FNDC3A: variants seen among roughly 807,000 people sequenced by gnomAD.
The protein encoded by FNDC3A is fibronectin type-III domain-containing protein 3A.
In FNDC3A, 32 loss-of-function variants were observed where a neutral mutation model predicts 148.9. The observed-to-expected ratio is 0.21, with a 90% confidence interval of 0.16 to 0.29. FNDC3A has a LOEUF of 0.29. FNDC3A is among the 10% of genes least tolerant of loss of function. FNDC3A has a pLI of 1.00. For synonymous variants in FNDC3A, 472 were observed against 473.6 expected, an observed-to-expected ratio of 1.00 and a Z score of 0.04; for missense variants, 1,191 against 1,452.8, an observed-to-expected ratio of 0.82 and a Z score of 2.93.
At chr13:49,028,253 A>G (rs760977786) in intron 2 of FNDC3A, among the ~76,000 whole-genome samples, 1 of 151,976 alleles carries the variant, frequency 6.6e-6, no homozygotes, top group South Asian at 2.1e-4. Flanking sequence ...TGTGCACTCT[A>G]TAAGAGACAC....
In FNDC3A at chr13:49,188,773, T is replaced by TTC. The variant is rs1036522094; in HGVS notation, c.1944+140_1944+141insTC. The TTC allele has an allele frequency of 6.1e-6, 4 of 658,922 alleles. No individual in the cohort carries two copies. The African/African-American group carries it at 7.2e-5, about 12-fold the overall frequency. The allele number at this position is 658,922 out of a possible 1,614,324, so 40.8% of individuals were successfully genotyped here. ...TCTGTAACCTGTTGGGTTAATTTGA[T>TTC]AGTGACCAAAATATTCTAATGTGGT... On this transcript the variant is annotated intron_variant, in intron 17 of 25. Coordinates refer to ENST00000492622, the MANE Select transcript of FNDC3A (RefSeq NM_001079673.2).
At chr13:48,984,753 C>T (rs987344669) in intron 1 of FNDC3A, among the ~76,000 whole-genome samples, 4 of 152,036 alleles carry the variant, frequency 2.6e-5, no homozygotes, top group South Asian at 2.1e-4. Flanking sequence ...GGCGTGATCT[C>T]GGCTCACTGC....
At chr13:49,002,009 G>A (rs952766810) in intron 1 of FNDC3A, among the ~76,000 whole-genome samples, 2 of 151,960 alleles carry the variant, frequency 1.3e-5, no homozygotes, top group African/African-American at 2.4e-5. Flanking sequence ...CAGAACCTGC[G>A]GACATGTCTC....
intron 10 of FNDC3A, among the ~76,000 whole-genome samples, chr13:49,170,026 G>A (rs1418194034): frequency 1.3e-5 from 2 of 151,948 alleles, no homozygotes; most frequent in African/African-American, 2.4e-5. Flanking sequence ...TCTTTATTTC[G>A]AAGATAATTA....
chr13:49,048,275 C>T (rs574187168), intron 2 of FNDC3A, among the ~76,000 whole-genome samples: 58 of 151,662 alleles, frequency 3.8e-4, no homozygotes, highest in African/African-American at 1.4e-3. Context: ...TGTGGGCTCT[C>T]TTTTGGTTCT....
chr13:49,050,985 A>G (rs1875799401), intron 2 of FNDC3A, among the ~76,000 whole-genome samples: 1 of 152,088 alleles, frequency 6.6e-6, no homozygotes, highest in Non-Finnish European at 1.5e-5. Flanking sequence ...CTTTTGGTGT[A>G]CATTTGCATG....
intron 4 of FNDC3A, among the ~76,000 whole-genome samples, chr13:49,122,604 G>A (rs1399492160): frequency 1.3e-5 from 2 of 152,090 alleles, no homozygotes; most frequent in African/African-American, 2.4e-5. Context: ...AAACCCCATC[G>A]TCTCAGCCCA....
intron 2 of FNDC3A, among the ~76,000 whole-genome samples, chr13:49,067,866 A>G (rs972111396): frequency 6.6e-6 from 1 of 152,168 alleles, no homozygotes; most frequent in African/African-American, 2.4e-5. Context: ...GCTGGTCTCA[A>G]GTAACATCCT....
At chr13:49,081,869 T>A (rs938370623) in intron 3 of FNDC3A, among the ~76,000 whole-genome samples, 3 of 152,204 alleles carry the variant, frequency 2.0e-5, no homozygotes, top group Non-Finnish European at 2.9e-5. Flanking sequence ...GAAATAAAAT[T>A]TGATCATCAG....
At chr13:49,164,555 G>A (rs946090693) in intron 8 of FNDC3A, among the ~76,000 whole-genome samples, 1 of 151,642 alleles carries the variant, frequency 6.6e-6, no homozygotes, top group East Asian at 1.9e-4. Flanking sequence ...ATATTTGGTT[G>A]CTTTATAGTG....
chr13:48,985,534 CACTATA>C (rs1212709345), intron 1 of FNDC3A, among the ~76,000 whole-genome samples: 2 of 152,132 alleles, frequency 1.3e-5, no homozygotes, highest in Admixed American at 1.3e-4. Flanking sequence ...TGTGCCCTTA[CACTATA>C]ATATTAGATA....
chr13:49,047,448 A>G (rs898382779), intron 2 of FNDC3A, among the ~76,000 whole-genome samples: 7 of 152,036 alleles, frequency 4.6e-5, no homozygotes, highest in Admixed American at 1.3e-4. Flanking sequence ...CCAACAGTGT[A>G]AAAGCATCTA....
intron 8 of FNDC3A, among the ~76,000 whole-genome samples, chr13:49,161,493 G>T (rs1408654374): frequency 2.6e-5 from 4 of 151,986 alleles, no homozygotes; most frequent in Non-Finnish European, 5.9e-5. Context: ...CTGTGTGTGT[G>T]TCTGCATGTA....
At chr13:49,012,360 G>A (rs1226168849) in intron 2 of FNDC3A, among the ~76,000 whole-genome samples, 10 of 151,958 alleles carry the variant, frequency 6.6e-5, no homozygotes, top group African/African-American at 2.4e-5. Flanking sequence ...TGATCTGCCC[G>A]CCTCCACCTC....
At chr13:49,178,542 G>T (rs1239217525) in intron 13 of FNDC3A, 26 bp from the exon 14 acceptor site, 1 of 1,394,932 alleles carries the variant, frequency 7.2e-7, no homozygotes, top group African/African-American at 1.4e-5. Context: ...GACATCGAAT[G>T]AAGACTTTGT....
intron 3 of FNDC3A, among the ~76,000 whole-genome samples, chr13:49,084,248 A>ATT (rs1878664330): frequency 6.6e-6 from 1 of 152,190 alleles, no homozygotes; most frequent in Non-Finnish European, 1.5e-5. Context: ...TGTTTCTTTA[A>ATT]CAACAGAAAT....
At chr13:49,145,656 A>C in intron 7 of FNDC3A, 122 bp from the exon 8 acceptor site, 1 of 752,930 alleles carries the variant, frequency 1.3e-6, no homozygotes. Context: ...TATATTTGTG[A>C]GCCATTTTAT....
At chr13:49,016,288 A>G (rs942102497) in intron 2 of FNDC3A, among the ~76,000 whole-genome samples, 1 of 151,926 alleles carries the variant, frequency 6.6e-6, no homozygotes, top group African/African-American at 2.4e-5. Context: ...AGCTCCTGTT[A>G]TTGGTCTATT....
intron 2 of FNDC3A, among the ~76,000 whole-genome samples, chr13:49,041,933 G>A (rs760248195): frequency 3.9e-5 from 6 of 151,986 alleles, no homozygotes; most frequent in Non-Finnish European, 5.9e-5. Flanking sequence ...TTCTAGTGGA[G>A]TGGAAACCAC....
Sources: gnomAD v4.1 joint callset for allele counts (sites outside exome capture counted in the v4.1 genomes callset) on GRCh38, gnomAD v4.1.1 for gene constraint, MANE v1.5 for transcripts, NCBI Gene and HGNC (gene_info 2026-07-23, HGNC 2026-07-21) for gene names.